Variants in FAF1 observed in about 807,000 individuals in gnomAD.
The protein encoded by FAF1 is Fas associated factor 1, also known as FAS-associated factor 1.
FAF1 carries 25 observed loss-of-function variants against 92.5 expected under a neutral mutation model. That is an observed-to-expected ratio of 0.27 (90% confidence interval 0.20 to 0.38). The LOEUF is 0.38. FAF1 is among the 10% of genes least tolerant of loss of function. The pLI, the probability that FAF1 is intolerant of heterozygous loss-of-function variation, is 1.00. For missense variants in FAF1, 636 were observed against 793.3 expected (o/e 0.80, Z 2.38); for synonymous variants, 234 against 273.2 (o/e 0.86, Z 1.42).
At chr1:50,536,954 G>A (rs1232033741) in intron 14 of FAF1, among the ~76,000 whole-genome samples, 1 of 152,100 alleles carries the variant, frequency 6.6e-6, no homozygotes, top group East Asian at 1.9e-4. Flanking sequence ...GATGACAAAA[G>A]AAGTTTAGGA....
intron 1 of FAF1, among the ~76,000 whole-genome samples, chr1:50,880,724 T>TA (rs1228163678): frequency 1.3e-5 from 2 of 152,216 alleles, no homozygotes; most frequent in Admixed American, 6.5e-5. Context: ...ACGATATTGT[T>TA]ACGGCCACCT....
At chr1:50,682,590 A>C (rs1330213856) in intron 7 of FAF1, among the ~76,000 whole-genome samples, 2 of 152,226 alleles carry the variant, frequency 1.3e-5, no homozygotes, top group African/African-American at 4.8e-5. Context: ...TCCAAAACAA[A>C]AATTATGTTG....
intron 8 of FAF1, among the ~76,000 whole-genome samples, chr1:50,610,233 T>C (rs1325524690): frequency 3.3e-5 from 5 of 152,306 alleles, no homozygotes; most frequent in South Asian, 4.1e-4. Flanking sequence ...ATCCATATGA[T>C]GATATGTTCA....
At chr1:50,648,112 A>T (rs1333224254) in intron 8 of FAF1, among the ~76,000 whole-genome samples, 1 of 152,132 alleles carries the variant, frequency 6.6e-6, no homozygotes, top group Admixed American at 6.5e-5. Context: ...TACAAAAATT[A>T]GCTAGGCACA....
At chr1:50,891,315 T>C (rs1644718116) in intron 1 of FAF1, among the ~76,000 whole-genome samples, 1 of 151,824 alleles carries the variant, frequency 6.6e-6, no homozygotes, top group South Asian at 2.1e-4. Flanking sequence ...CATCTTCCTT[T>C]AGCCCAGAGA....
intron 1 of FAF1, among the ~76,000 whole-genome samples, chr1:50,911,133 T>C (rs1436488285): frequency 6.6e-6 from 1 of 151,888 alleles, no homozygotes; most frequent in African/African-American, 2.4e-5. Context: ...AGTGCAGTGG[T>C]GTGATCTCAG....
At chr1:50,770,611 C>A (rs973457063) in intron 4 of FAF1, among the ~76,000 whole-genome samples, 4 of 151,918 alleles carry the variant, frequency 2.6e-5, no homozygotes, top group Non-Finnish European at 5.9e-5. Flanking sequence ...AGATATGACA[C>A]AAAGAAATGA....
In FAF1 at chr1:50,897,587, A is replaced by T. The variant is rs1644767506; in HGVS notation, c.46-39590T>A. ...ATTATCTCCAAAGCTATAATAAATG[A>T]GAAAAATGGCTGACAGTGTAAATGT... On this transcript the variant is annotated intron_variant, in intron 1 of 18. Transcript: ENST00000396153. 7.9e-5 allele frequency among the ~76,000 whole-genome samples: 12 copies of T among 152,346 alleles called. 1 individual carries two copies. The South Asian group carries it at 2.5e-3, about 32-fold the overall frequency.
At chr1:50,770,056 A>C (rs1011727425) in intron 4 of FAF1, among the ~76,000 whole-genome samples, 1 of 152,164 alleles carries the variant, frequency 6.6e-6, no homozygotes, top group Non-Finnish European at 1.5e-5. Flanking sequence ...GTATTAAAAA[A>C]ACAAACAAAA....
intron 2 of FAF1, among the ~76,000 whole-genome samples, chr1:50,822,572 T>G (rs1644052599): frequency 6.6e-6 from 1 of 152,184 alleles, no homozygotes; most frequent in Non-Finnish European, 1.5e-5. Context: ...CAGCCTCACA[T>G]AAACACCCAC....
chr1:50,824,951 A>G (rs1187914057), intron 2 of FAF1, among the ~76,000 whole-genome samples: 1 of 152,204 alleles, frequency 6.6e-6, no homozygotes, highest in South Asian at 2.1e-4. Context: ...GAGGTTGGGA[A>G]GGGTAGGAGA....
chr1:50,755,186 G>A (rs557789121), intron 4 of FAF1, among the ~76,000 whole-genome samples: 27 of 152,218 alleles, frequency 1.8e-4, no homozygotes, highest in African/African-American at 6.0e-4. Context: ...TTCGACCTAC[G>A]AGCCTGTAAA....
chr1:50,695,948 C>CTT (rs767839672), intron 7 of FAF1, among the ~76,000 whole-genome samples: 51 of 129,364 alleles, frequency 3.9e-4, no homozygotes, highest in Admixed American at 7.8e-4. Context: ...CGTGCTTGGC[C>CTT]TTTTTTTTTT....
intron 13 of FAF1, among the ~76,000 whole-genome samples, chr1:50,566,218 AC>A: frequency 6.6e-6 from 1 of 152,136 alleles, no homozygotes; most frequent in Non-Finnish European, 1.5e-5. Context: ...CTGAATGATG[AC>A]CAAAAATTCA....
At chr1:50,490,460 G>GAAGT in intron 17 of FAF1, 128 bp downstream of exon 17, 2 of 530,206 alleles carry the variant, frequency 3.8e-6, no homozygotes, top group East Asian at 3.4e-5. Context: ...AGGAAGGAAG[G>GAAGT]AAAAAGAAAG....
intron 3 of FAF1, among the ~76,000 whole-genome samples, chr1:50,790,481 A>C (rs1661523157): frequency 2.0e-5 from 3 of 152,118 alleles, no homozygotes; most frequent in Admixed American, 2.0e-4. Flanking sequence ...CCCTGAGCTT[A>C]AGATTTTATA....
intron 15 of FAF1, among the ~76,000 whole-genome samples, chr1:50,534,243 G>A (rs1288241387): frequency 6.6e-6 from 1 of 152,104 alleles, no homozygotes; most frequent in African/African-American, 2.4e-5. Flanking sequence ...GCCTAGAGAT[G>A]ATAATGGTTC....
intron 6 of FAF1, among the ~76,000 whole-genome samples, chr1:50,707,349 C>A (rs1313159094): frequency 6.6e-6 from 1 of 152,022 alleles, no homozygotes; most frequent in Non-Finnish European, 1.5e-5. Context: ...GAAAATCACA[C>A]CCAACTAAAA....
At chr1:50,542,217 T>C (rs922707710) in intron 13 of FAF1, among the ~76,000 whole-genome samples, 35 of 152,192 alleles carry the variant, frequency 2.3e-4, no homozygotes, top group African/African-American at 8.2e-4. Context: ...TGAATTATGT[T>C]TGAGATTTTC....
Sources: gnomAD v4.1 joint callset for allele counts (sites outside exome capture counted in the v4.1 genomes callset) on GRCh38, gnomAD v4.1.1 for gene constraint, MANE v1.5 for transcripts, NCBI Gene and HGNC (gene_info 2026-07-23, HGNC 2026-07-21) for gene names.